Variants in PROS1 observed in about 807,000 individuals in gnomAD.
PROS1 encodes the protein vitamin K-dependent protein S.
A neutral mutation model predicts 75.9 loss-of-function variants in PROS1; 29 were observed. The ratio of observed to expected loss-of-function variants is 0.38; its 90% CI spans 0.28 to 0.52. The LOEUF is 0.52. PROS1 is among the 20% of genes least tolerant of loss of function. The pLI, the probability that PROS1 is intolerant of heterozygous loss-of-function variation, is 0.83. For missense variants in PROS1, 680 were observed against 810.3 expected (o/e 0.84, Z 1.95); for synonymous variants, 245 against 280.6 (o/e 0.87, Z 1.27).
chr3:93,882,569 T>A lies in PROS1; in HGVS notation c.1492+2159A>T. Among the ~76,000 whole-genome samples the A allele has an allele frequency of 1.3e-5, 2 of 152,188 alleles. 1 individual carries two copies. The highest frequency in any genetic ancestry group is 3.8e-4 in the East Asian group (2 of 5,198). On this transcript the variant is annotated intron_variant, in intron 12 of 14. Coordinates refer to ENST00000394236, the MANE Select transcript of PROS1 (RefSeq NM_000313.4). ...CCAAGGAAAGCCAGAATGAGAACAC[T>A]TTCTAATCCAGGGCAGACAGGAAAT...
At chr3:93,971,529 G>A (rs1709881180) in intron 1 of PROS1, among the ~76,000 whole-genome samples, 1 of 151,834 alleles carries the variant, frequency 6.6e-6, no homozygotes, top group Admixed American at 6.6e-5. Context: ...ACTTTGGGCA[G>A]CCAAAGTAGG....
intron 1 of PROS1, among the ~76,000 whole-genome samples, chr3:93,942,740 C>T (rs745752967): frequency 2.6e-5 from 4 of 152,196 alleles, no homozygotes; most frequent in Non-Finnish European, 4.4e-5. Flanking sequence ...GCCACTAGCC[C>T]GCCTCTTAGA....
rs1228360961 is a variant in PROS1 at position 93,919,538 on chromosome 3, G to C, written c.259+4702C>G. ...TTATATTTTTGATATTTATTTGACA[G>C]AGACAGATCTGTCATTTGTCTCTTA... On this transcript the variant is annotated intron_variant, in intron 3 of 14. Coordinates refer to ENST00000394236, the MANE Select transcript of PROS1 (RefSeq NM_000313.4). Among the ~76,000 whole-genome samples the C allele has an allele frequency of 4.0e-5, 6 of 151,182 alleles. No individual in the cohort carries two copies. The East Asian group carries it at 1.2e-3, about 29-fold the overall frequency.
At chr3:93,961,640 T>C (rs2107261403) in intron 1 of PROS1, among the ~76,000 whole-genome samples, 1 of 152,344 alleles carries the variant, frequency 6.6e-6, no homozygotes, top group Admixed American at 6.5e-5. Flanking sequence ...AATTGTGTTT[T>C]CCTAAGCTGT....
intron 1 of PROS1, among the ~76,000 whole-genome samples, chr3:93,927,885 G>GTATA (rs71915979): frequency 4.6e-5 from 6 of 130,402 alleles, no homozygotes; most frequent in Non-Finnish European, 9.6e-5. Flanking sequence ...GTGTGTATGT[G>GTATA]TATATATATA....
At chr3:93,937,625 C>A (rs1177036821) in intron 1 of PROS1, among the ~76,000 whole-genome samples, 2 of 152,042 alleles carry the variant, frequency 1.3e-5, no homozygotes, top group Non-Finnish European at 2.9e-5. Context: ...CCTCAGCCTC[C>A]CAAAGTACTG....
At chr3:93,946,997 A>G (rs7609644) in intron 1 of PROS1, among the ~76,000 whole-genome samples, 12,269 of 152,276 alleles carry the variant, frequency 0.081, 605 homozygotes, top group Middle Eastern at 0.19. Flanking sequence ...TCTATCAAAA[A>G]GTGGGCAAAG....
intron 6 of PROS1, 81 bp from the exon 7 acceptor site, chr3:93,901,010 T>C (rs1409192091): frequency 6.7e-6 from 10 of 1,490,528 alleles, no homozygotes; most frequent in African/African-American, 1.4e-5. Flanking sequence ...TTGTGTTTCC[T>C]GGATCTTGTT....
intron 1 of PROS1, among the ~76,000 whole-genome samples, chr3:93,940,518 T>C (rs1346134878): frequency 1.3e-5 from 2 of 152,114 alleles, no homozygotes; most frequent in African/African-American, 2.4e-5. Context: ...ACTTGGACAA[T>C]ATTCTTTTAT....
chr3:93,955,102 A>G (rs1177511959), intron 1 of PROS1, among the ~76,000 whole-genome samples: 2 of 152,226 alleles, frequency 1.3e-5, no homozygotes, highest in African/African-American at 4.8e-5. Context: ...ATGTGGAGAA[A>G]TAGGAACACT....
intron 1 of PROS1, among the ~76,000 whole-genome samples, chr3:93,957,042 T>C (rs184577204): frequency 3.0e-4 from 45 of 152,260 alleles, no homozygotes; most frequent in Middle Eastern, 3.4e-3. Flanking sequence ...TATATGAATA[T>C]GTTCATTACA....
intron 1 of PROS1, among the ~76,000 whole-genome samples, chr3:93,961,925 T>G (rs1709710864): frequency 6.6e-6 from 1 of 152,072 alleles, no homozygotes; most frequent in Non-Finnish European, 1.5e-5. Flanking sequence ...TGGCTTGAAT[T>G]TTTTACGTCA....
At chr3:93,964,132 TG>T (rs1709749866) in intron 1 of PROS1, among the ~76,000 whole-genome samples, 1 of 152,188 alleles carries the variant, frequency 6.6e-6, no homozygotes, top group South Asian at 2.1e-4. Context: ...TTGTGTTAAC[TG>T]TACAAATTGA....
chr3:93,919,012 T>C (rs778704124), intron 3 of PROS1, among the ~76,000 whole-genome samples: 1 of 152,196 alleles, frequency 6.6e-6, no homozygotes, highest in Non-Finnish European at 1.5e-5. Context: ...CTACATATAA[T>C]TCATTGCTAC....
intron 4 of PROS1, 32 bp from the exon 5 acceptor site, chr3:93,906,175 T>A (rs766809856): frequency 2.5e-6 from 4 of 1,609,574 alleles, no homozygotes; most frequent in East Asian, 2.2e-5. Flanking sequence ...TTATTTTTTT[T>A]ATCTCATGTC....
intron 13 of PROS1, among the ~76,000 whole-genome samples, chr3:93,877,464 C>T (rs1295761840): frequency 1.3e-5 from 2 of 152,114 alleles, no homozygotes; most frequent in African/African-American, 2.4e-5. Context: ...GTAAAACAAC[C>T]GGAACCTATA....
At chr3:93,911,114 C>T (rs573000794) in intron 3 of PROS1, 4 of 213,772 alleles carry the variant, frequency 1.9e-5, no homozygotes, top group East Asian at 1.3e-4. Flanking sequence ...AGAATCAGTT[C>T]GTGTTTCTAC....
At chr3:93,879,052 A>AAGT in intron 13 of PROS1, 111 bp downstream of exon 13, 2 of 1,109,742 alleles carry the variant, frequency 1.8e-6, no homozygotes, top group Non-Finnish European at 2.6e-6. Flanking sequence ...CACTTTACAT[A>AAGT]AGTTACTTTA....
intron 7 of PROS1, among the ~76,000 whole-genome samples, chr3:93,899,861 G>A (rs1708560578): frequency 6.6e-6 from 1 of 152,140 alleles, no homozygotes; most frequent in African/African-American, 2.4e-5. Flanking sequence ...AAATAGCAGT[G>A]ATGGCTGCAT....
Sources: gnomAD v4.1 joint callset for allele counts (sites outside exome capture counted in the v4.1 genomes callset) on GRCh38, gnomAD v4.1.1 for gene constraint, MANE v1.5 for transcripts, NCBI Gene and HGNC (gene_info 2026-07-23, HGNC 2026-07-21) for gene names.